The following RABEP1 variants were observed in gnomAD, a reference collection of about 807,000 sequenced individuals.
The protein encoded by RABEP1 is rab GTPase-binding effector protein 1.
RABEP1 carries 51 observed loss-of-function variants against 123.4 expected under a neutral mutation model. The ratio of observed to expected loss-of-function variants is 0.41; its 90% CI spans 0.33 to 0.52. The LOEUF (loss-of-function observed/expected upper bound fraction) is 0.52, where lower values mean the gene tolerates loss of function less well. Ranked by LOEUF, RABEP1 falls within the 20% of genes least tolerant of loss-of-function variation. RABEP1 has a pLI of 0.16. For synonymous variants in RABEP1, 347 were observed against 355.2 expected (o/e 0.98, Z 0.26); for missense variants, 888 against 996.3 (o/e 0.89, Z 1.46).
At chr17:5,345,427 A>T (rs1445922081) in intron 5 of RABEP1, among the ~76,000 whole-genome samples, 2 of 152,206 alleles carry the variant, frequency 1.3e-5, no homozygotes, top group African/African-American at 4.8e-5. Context: ...TTCAAATAGT[A>T]TGTCACTATT....
chr17:5,362,632 G>A (rs1909649624), intron 9 of RABEP1, among the ~76,000 whole-genome samples: 1 of 152,312 alleles, frequency 6.6e-6, no homozygotes, highest in Admixed American at 6.5e-5. Flanking sequence ...TACCATGAGT[G>A]CCATGGGATA....
In RABEP1 at chr17:5,286,860, A is replaced by G. The variant is rs558435371; in HGVS notation, c.34+4340A>G. Among the ~76,000 whole-genome samples, 61 of 152,308 alleles carry G rather than the reference A, an allele frequency of 4.0e-4. 1 individual carries two copies. The highest frequency in any genetic ancestry group is 1.4e-3 in the African/African-American group (60 of 41,560). ...AATGGAAAAAAGAAAACAGAGCAGG[A>G]GAAAGGGAAGGGGGTGGGGCTGGTT... On this transcript the variant is annotated intron_variant, in intron 1 of 17. Coordinates refer to ENST00000537505, the MANE Select transcript of RABEP1 (RefSeq NM_004703.6).
At chr17:5,300,036 T>C (rs1320596979) in intron 1 of RABEP1, among the ~76,000 whole-genome samples, 1 of 152,058 alleles carries the variant, frequency 6.6e-6, no homozygotes, top group Non-Finnish European at 1.5e-5. Context: ...CCTACACTCA[T>C]TTCTAAACTG....
chr17:5,287,835 C>T (rs1329301141), intron 1 of RABEP1, among the ~76,000 whole-genome samples: 1 of 151,880 alleles, frequency 6.6e-6, no homozygotes, highest in Non-Finnish European at 1.5e-5. Context: ...TCACCTAAGC[C>T]TGGGAGGTCG....
In RABEP1 at chr17:5,331,989, A is replaced by G; in HGVS notation, c.204A>G (p.Gln68=). The G allele has an allele frequency of 6.2e-7, 1 of 1,614,076 alleles. No individual in the cohort carries two copies. Among genetic ancestry groups the G allele is most frequent in the South Asian group, 1.1e-5 (1 of 91,070 alleles). Residue 68 remains glutamine (Q), a synonymous_variant, in exon 3 of 18, where the codon CAA becomes CAG. Transcript: ENST00000537505. ...AAAATGCAGTATTACAAGCTGCACAAGATGATTTGGGACACCTTCGAACCC... is the reference window on the plus strand; with the variant it reads ...AAAATGCAGTATTACAAGCTGCACAGGATGATTTGGGACACCTTCGAACCC... ...KRQNAVLQAA[Q]DDLGHLRTQL... is the part of the protein sequence containing the mutation.
At chr17:5,288,429 T>C (rs1437789869) in intron 1 of RABEP1, among the ~76,000 whole-genome samples, 2 of 152,220 alleles carry the variant, frequency 1.3e-5, no homozygotes, top group Admixed American at 1.3e-4. Flanking sequence ...GGAATCTCGC[T>C]CAGTCGCCCA....
chr17:5,372,220 G>A (rs578174771), intron 12 of RABEP1, among the ~76,000 whole-genome samples: 221 of 152,116 alleles, frequency 1.5e-3, no homozygotes, highest in African/African-American at 4.8e-3. Context: ...TGAGGTGGGC[G>A]GATCACGAGG....
At chr17:5,373,544 A>G (rs1910703062) in intron 13 of RABEP1, 90 bp downstream of exon 13, 9 of 1,359,106 alleles carry the variant, frequency 6.6e-6, no homozygotes, top group South Asian at 3.0e-5. Flanking sequence ...TTATTCAGAT[A>G]TAATTCACGT....
At chr17:5,355,142 C>T (rs1009712533) in intron 8 of RABEP1, among the ~76,000 whole-genome samples, 1 of 152,164 alleles carries the variant, frequency 6.6e-6, no homozygotes, top group African/African-American at 2.4e-5. Flanking sequence ...GCAGTCAGGC[C>T]ACTCCCCTAC....
chr17:5,376,010 C>T (rs941674361), intron 13 of RABEP1, among the ~76,000 whole-genome samples: 1 of 152,076 alleles, frequency 6.6e-6, no homozygotes, highest in Admixed American at 6.6e-5. Flanking sequence ...GTAGCTGGGA[C>T]TACAGGTGTG....
chr17:5,283,402 C>G (rs1427915426), intron 1 of RABEP1, among the ~76,000 whole-genome samples: 1 of 152,070 alleles, frequency 6.6e-6, no homozygotes, highest in Non-Finnish European at 1.5e-5. Context: ...TGTCAGAGCC[C>G]TTCGTGACCT....
chr17:5,355,367 C>T (rs1191776777), intron 8 of RABEP1, among the ~76,000 whole-genome samples: 1 of 152,178 alleles, frequency 6.6e-6, no homozygotes, highest in Non-Finnish European at 1.5e-5. Flanking sequence ...TTTCAAAGCT[C>T]ATCTTGTTAT....
intron 11 of RABEP1, among the ~76,000 whole-genome samples, chr17:5,367,671 G>C (rs552257307): frequency 6.7e-6 from 1 of 149,442 alleles, no homozygotes; most frequent in Non-Finnish European, 1.5e-5. Context: ...ATTAGTTTCA[G>C]AACTATCTTC....
chr17:5,328,030 A>G (rs1303450253), intron 2 of RABEP1, among the ~76,000 whole-genome samples: 1 of 152,218 alleles, frequency 6.6e-6, no homozygotes, highest in Non-Finnish European at 1.5e-5. Context: ...GTGATATTCT[A>G]ATTAATGAGT....
At chr17:5,316,398 C>A (rs565571862) in intron 2 of RABEP1, among the ~76,000 whole-genome samples, 2 of 117,750 alleles carry the variant, frequency 1.7e-5, no homozygotes, top group Non-Finnish European at 3.2e-5. Flanking sequence ...TGCAGTGAGC[C>A]GAGATCTTGC....
At position 5,365,205 on chromosome 17, in the gene RABEP1, C is replaced by T. The variant is rs1597387775; in HGVS notation, c.1752C>T (p.Phe584=). Residue 584 remains phenylalanine, a synonymous_variant, in exon 11 of 18, where the codon TTC becomes TTT. Coordinates refer to ENST00000537505, the MANE Select transcript of RABEP1 (RefSeq NM_004703.6). ...AAGATAAGCAGGAGCTGGAAGACTT[C>T]ATAAAGCAAAGCAGCGAAGATTCGA... ...TMKDKQELED[F]IKQSSEDSSH... is the part of the protein sequence containing the mutation. 6.2e-7 allele frequency: 1 copy of T among 1,611,076 alleles called. No individual in the cohort carries two copies.
At chr17:5,324,177 A>G (rs886914583) in intron 2 of RABEP1, among the ~76,000 whole-genome samples, 3 of 152,108 alleles carry the variant, frequency 2.0e-5, no homozygotes, top group Non-Finnish European at 2.9e-5. Context: ...ACTATATAAC[A>G]TTAAAATTTA....
chr17:5,292,896 G>C (rs113709414), intron 1 of RABEP1, among the ~76,000 whole-genome samples: 1 of 152,148 alleles, frequency 6.6e-6, no homozygotes, highest in Non-Finnish European at 1.5e-5. Context: ...TGCCCAGGCT[G>C]GTCTTGAACT....
intron 2 of RABEP1, among the ~76,000 whole-genome samples, chr17:5,318,325 AT>A (rs1567878801): frequency 6.6e-6 from 1 of 152,182 alleles, no homozygotes; most frequent in African/African-American, 2.4e-5. Context: ...CAATGGGAGT[AT>A]GCTATCAAAA....
Sources: gnomAD v4.1 joint callset for allele counts (sites outside exome capture counted in the v4.1 genomes callset) on GRCh38, gnomAD v4.1.1 for gene constraint, MANE v1.5 for transcripts, NCBI Gene and HGNC (gene_info 2026-07-23, HGNC 2026-07-21) for gene names.